USP38: variants seen among roughly 807,000 people sequenced by gnomAD.
The protein encoded by USP38 is ubiquitin carboxyl-terminal hydrolase 38.
A neutral mutation model predicts 94.3 loss-of-function variants in USP38; 49 were observed. That is an observed-to-expected ratio of 0.52 (90% CI 0.41 to 0.66). USP38 has a LOEUF of 0.66. Among genes scored for constraint, USP38 ranks in the 30% least tolerant of loss-of-function variants. The pLI is 0.00. For synonymous variants in USP38, 468 were observed against 463.6 expected, an observed-to-expected ratio of 1.01 and a Z score of -0.12; for missense variants, 1,128 against 1,229.4, an observed-to-expected ratio of 0.92 and a Z score of 1.23.
intron 9 of USP38, among the ~76,000 whole-genome samples, chr4:143,217,399 T>C (rs1048881396): frequency 2.6e-5 from 4 of 152,186 alleles, no homozygotes; most frequent in Non-Finnish European, 2.9e-5. Flanking sequence ...ATAATTATTA[T>C]AAATATATGT....
chr4:143,185,310 T>C lies in USP38; in HGVS notation c.-141T>C, dbSNP rs1468915994. ...CTCCCTGCGCCATAAATGTGGCTGCTGAGGCGGCGGTGGCCGTGGCCCGTC... is the reference window on the plus strand; with the variant it reads ...CTCCCTGCGCCATAAATGTGGCTGCCGAGGCGGCGGTGGCCGTGGCCCGTC... On this transcript the variant is annotated 5_prime_UTR_variant, in exon 1 of 10. Coordinates refer to ENST00000307017, the MANE Select transcript of USP38 (RefSeq NM_032557.6). 5.5e-6 allele frequency: 5 copies of C among 910,192 alleles called. No individual in the cohort carries two copies. Among genetic ancestry groups the C allele is most frequent in the African/African-American group, 1.7e-5 (1 of 59,492 alleles). The allele number at this position is 910,192 out of a possible 1,614,324, so 56.4% of individuals were successfully genotyped here. A position where few individuals can be genotyped will look rare whatever the true frequency, so the allele number is the denominator to read the frequency against.
chr4:143,189,639 T>C (rs1731337203), intron 2 of USP38, among the ~76,000 whole-genome samples: 1 of 152,038 alleles, frequency 6.6e-6, no homozygotes, highest in South Asian at 2.1e-4. Context: ...TTAAACATAA[T>C]TGAATCAATT....
At chr4:143,197,250 G>A (rs562717442) in intron 3 of USP38, among the ~76,000 whole-genome samples, 2 of 152,240 alleles carry the variant, frequency 1.3e-5, no homozygotes, top group East Asian at 3.9e-4. Context: ...AATTCCTTCA[G>A]TTTTACAGTT....
At position 143,206,053 on chromosome 4, in the gene USP38, A is replaced by G. The variant is rs1369865582; in HGVS notation, c.1230A>G (p.Glu410=). The stretch of plus-strand genomic sequence containing the variant: ...TATAGGATTTTCCTAAGCCCAGTGA[A>G]GAGAAGATTAAGTTAATTCTCAATC... ...EAIKDFPKPS[E]EKIKLILNQS... Residue 410 remains glutamate (E), a synonymous_variant, in exon 6 of 10, where the codon GAA becomes GAG. Coordinates refer to ENST00000307017, the MANE Select transcript of USP38 (RefSeq NM_032557.6). 1 of 1,605,088 alleles carries G rather than the reference A, an allele frequency of 6.2e-7. No homozygotes were observed. Among genetic ancestry groups the G allele is most frequent in the South Asian group, 1.1e-5 (1 of 88,654 alleles).
chr4:143,186,229 A>C, intron 1 of USP38, 97 bp downstream of exon 1: 1 of 1,321,682 alleles, frequency 7.6e-7, no homozygotes, highest in Non-Finnish European at 1.1e-6. Context: ...TGCCCTAAAA[A>C]CATTCTTAAG....
intron 6 of USP38, 24 bp downstream of exon 6, chr4:143,206,250 C>T: frequency 6.6e-7 from 1 of 1,520,738 alleles, no homozygotes; most frequent in Non-Finnish European, 8.8e-7. Flanking sequence ...TGAATCTTTT[C>T]ATTTTAACTG....
At chr4:143,218,624 A>G (rs1026948383) in intron 9 of USP38, among the ~76,000 whole-genome samples, 3 of 152,086 alleles carry the variant, frequency 2.0e-5, no homozygotes, top group Non-Finnish European at 2.9e-5. Context: ...TACAGATGCA[A>G]TGGAGCTACT....
intron 7 of USP38, among the ~76,000 whole-genome samples, chr4:143,211,083 A>G (rs916900087): frequency 1.1e-4 from 17 of 152,014 alleles, no homozygotes; most frequent in Admixed American, 2.6e-4. Flanking sequence ...TTATATATAA[A>G]ATATATATGT....
chr4:143,196,379 C>A (rs1279888829), intron 3 of USP38, among the ~76,000 whole-genome samples: 1 of 152,220 alleles, frequency 6.6e-6, no homozygotes, highest in African/African-American at 2.4e-5. Context: ...TTTCCATTAT[C>A]TCTTGAGTCC....
chr4:143,191,498 A>G (rs1292558390), intron 2 of USP38, among the ~76,000 whole-genome samples: 2 of 152,220 alleles, frequency 1.3e-5, no homozygotes, highest in East Asian at 1.9e-4. Flanking sequence ...AAGGCTGCCT[A>G]TAGCCCACAA....
chr4:143,208,282 CTTTA>C (rs1407198230), intron 6 of USP38, among the ~76,000 whole-genome samples: 3 of 151,916 alleles, frequency 2.0e-5, no homozygotes, highest in Non-Finnish European at 2.9e-5. Context: ...ATAAATACTT[CTTTA>C]TTTAATAATG....
intron 6 of USP38, among the ~76,000 whole-genome samples, chr4:143,206,883 T>C (rs1434685971): frequency 6.6e-6 from 1 of 152,164 alleles, no homozygotes. Flanking sequence ...GGTCAGTATT[T>C]TGGTATTTGT....
In USP38 at chr4:143,197,871, GT is replaced by G; in HGVS notation, c.999del (p.Leu334PhefsTer17). ...TCTTGTGAGACCTGGTGCTCTTGCAGTTCTTTCTCACATGCTGCTTAGCTTT... is the reference window on the plus strand; with the variant it reads ...TCTTGTGAGACCTGGTGCTCTTGCAGTCTTTCTCACATGCTGCTTAGCTTT... ...FPLVRPGALA[V>X]LSHMLLSFQH... On this transcript the variant is annotated frameshift_variant, in exon 4 of 10. Transcript: ENST00000307017. LOFTEE classifies it high-confidence loss of function. 6.2e-7 allele frequency: 1 copy of G among 1,613,948 alleles called. No individual in the cohort carries two copies. The highest frequency in any genetic ancestry group is 8.5e-7 in the Non-Finnish European group (1 of 1,179,886).
chr4:143,189,035 A>G (rs926939405), intron 2 of USP38, among the ~76,000 whole-genome samples: 4 of 152,066 alleles, frequency 2.6e-5, no homozygotes, highest in African/African-American at 9.7e-5. Context: ...TTGAAAAAAA[A>G]GCAGACAAAA....
At chr4:143,200,570 A>G (rs1731684288) in intron 4 of USP38, among the ~76,000 whole-genome samples, 1 of 152,172 alleles carries the variant, frequency 6.6e-6, no homozygotes, top group South Asian at 2.1e-4. Flanking sequence ...TGACATCCAT[A>G]TAGGAAGAGA....
At chr4:143,201,708 A>C (rs1262770898) in intron 4 of USP38, among the ~76,000 whole-genome samples, 1 of 152,178 alleles carries the variant, frequency 6.6e-6, no homozygotes, top group East Asian at 1.9e-4. Context: ...TATTTTAAAC[A>C]GACACTATGG....
intron 5 of USP38, among the ~76,000 whole-genome samples, chr4:143,204,010 C>G (rs796149875): frequency 2.7e-5 from 4 of 150,286 alleles, no homozygotes; most frequent in African/African-American, 9.8e-5. Flanking sequence ...GAGACCAAGT[C>G]TCGCTCTGTC....
Position 143,213,713 on chromosome 4 carries a change from T to C in USP38, c.1737T>C (p.Ser579=). 6.2e-7 allele frequency: 1 copy of C among 1,613,730 alleles called. No individual in the cohort carries two copies. The highest frequency in any genetic ancestry group is 8.5e-7 in the Non-Finnish European group (1 of 1,179,814). The change falls in exon 9 of 10, where the codon AGT becomes AGC. Residue 579 remains serine, a synonymous_variant. Coordinates refer to ENST00000307017, the MANE Select transcript of USP38 (RefSeq NM_032557.6). Reference sequence around the variant, plus strand: ...TACTAACAGAGACCCCTCGTACAAGTGACGGTGAGAAGACTTTAATAGAAA... The same window carrying C: ...TACTAACAGAGACCCCTCGTACAAGCGACGGTGAGAAGACTTTAATAGAAA... ...AAVLTETPRT[S]DGEKTLIEKM...
At chr4:143,210,706 T>C (rs984902720) in intron 7 of USP38, among the ~76,000 whole-genome samples, 3 of 152,106 alleles carry the variant, frequency 2.0e-5, no homozygotes, top group Non-Finnish European at 4.4e-5. Flanking sequence ...GGTTTTACTT[T>C]CATTGCCTTT....
Sources: allele counts gnomAD v4.1 joint callset (sites outside exome capture counted in the v4.1 genomes callset), GRCh38; gene constraint gnomAD v4.1.1; transcripts MANE v1.5; gene names NCBI Gene and HGNC (gene_info 2026-07-23, HGNC 2026-07-21).